The following WDHD1 variants were observed in gnomAD, a reference collection of about 807,000 sequenced individuals.
WDHD1 encodes the protein WD repeat and HMG-box DNA binding protein 1, also known as WD repeat and HMG-box DNA-binding protein 1.
Under a neutral mutation model 135.4 loss-of-function variants are expected in WDHD1, and 111 were observed. The ratio of observed to expected loss-of-function variants is 0.82; its 90% CI spans 0.70 to 0.96. WDHD1 has a LOEUF of 0.96. Among genes scored for constraint, WDHD1 ranks in the 40% least tolerant of loss-of-function variants. The pLI is 0.00. For missense variants in WDHD1, 1,351 were observed against 1,336.3 expected, an observed-to-expected ratio of 1.01 and a Z score of -0.17; for synonymous variants, 434 against 439.0, an observed-to-expected ratio of 0.99 and a Z score of 0.14.
At chr14:54,956,469 C>G (rs2041160609) in intron 23 of WDHD1, among the ~76,000 whole-genome samples, 1 of 152,034 alleles carries the variant, frequency 6.6e-6, no homozygotes, top group South Asian at 2.1e-4. Context: ...GAAACCCCAT[C>G]TCTACTAAAA....
intron 14 of WDHD1, 44 bp from the exon 15 acceptor site, chr14:54,984,904 C>G (rs2041673425): frequency 2.5e-6 from 4 of 1,597,800 alleles, no homozygotes; most frequent in African/African-American, 1.4e-5. Flanking sequence ...AAAGGTTATC[C>G]AACTATAACG....
chr14:54,959,324 G>T (rs900704851), intron 21 of WDHD1, among the ~76,000 whole-genome samples: 9 of 143,632 alleles, frequency 6.3e-5, no homozygotes, highest in Non-Finnish European at 1.4e-4. Context: ...CTTGGGTCTG[G>T]GGGGTTGAGG....
At chr14:55,005,180 G>T in intron 7 of WDHD1, 1 of 540,312 alleles carries the variant, frequency 1.9e-6, no homozygotes, top group Admixed American at 1.9e-5. Flanking sequence ...CAATCCCACT[G>T]AGTGAGCTCC....
intron 16 of WDHD1, among the ~76,000 whole-genome samples, chr14:54,969,208 T>C (rs2041391988): frequency 6.6e-6 from 1 of 151,830 alleles, no homozygotes; most frequent in Non-Finnish European, 1.5e-5. Flanking sequence ...CCAGCTAATG[T>C]TTTGTATTTT....
At position 54,940,879 on chromosome 14, in the gene WDHD1, T is replaced by C. The variant is rs1257201360; in HGVS notation, c.*611A>G. The C allele has an allele frequency of 2.0e-5, 3 of 152,102 alleles. No homozygotes were observed. Among genetic ancestry groups the C allele is most frequent in the Non-Finnish European group, 4.4e-5 (3 of 68,016 alleles). The allele number at this position is 152,102 out of a possible 1,614,324, so 9.4% of individuals were successfully genotyped here. ...GTGGAAAGATAATATTAAGACCATA[T>C]CAAGCCAAATATACAAATGAGAAAG... On this transcript the variant is annotated 3_prime_UTR_variant, in exon 26 of 26. Coordinates refer to ENST00000360586, the MANE Select transcript of WDHD1 (RefSeq NM_007086.4).
rs146417050 is a variant in WDHD1 at position 54,958,946 on chromosome 14, C to T, written c.2702-1311G>A. Among the ~76,000 whole-genome samples the T allele has an allele frequency of 1.3e-3, 199 of 152,324 alleles. 1 individual carries two copies. The highest frequency in any genetic ancestry group is 3.4e-3 in the Middle Eastern group (1 of 294). On this transcript the variant is annotated intron_variant, in intron 21 of 25. Transcript: ENST00000360586. Reference sequence around the variant, plus strand: ...CTCCTGATTCAAATATCTGTCTTCACGACATTCTACTCACCTTACAGTAAT... The same window carrying T: ...CTCCTGATTCAAATATCTGTCTTCATGACATTCTACTCACCTTACAGTAAT...
At chr14:55,018,019 G>A (rs1382030740) in intron 2 of WDHD1, among the ~76,000 whole-genome samples, 2 of 151,786 alleles carry the variant, frequency 1.3e-5, no homozygotes, top group African/African-American at 2.4e-5. Context: ...CGCACAAACC[G>A]ATGTTAATTA....
At position 54,987,181 on chromosome 14, in the gene WDHD1, C is replaced by T. The variant is rs1240346808; in HGVS notation, c.1733G>A (p.Gly578Glu). The change falls in exon 14 of 26, where the codon GGA (glycine) becomes GAA (glutamate). Residue 578 changes from glycine (G) to glutamate (E), a missense_variant. Gly to Glu is a moderately conservative substitution (Grantham distance 98, BLOSUM62 -2). This residue lies in a region of WDHD1 where 1,330 missense variants were observed against 1,296.1 expected (regional missense o/e 1.03). Transcript: ENST00000360586. ...AACAATGAAAAGCTGTTCTCCATGT[C>T]CTGCCATTGACACCACAGGTCCAGC... ...SLAGPVVSMAGHGEQLFIVYH... is the reference protein window; with the variant it reads ...SLAGPVVSMAEHGEQLFIVYH... 1.2e-6 allele frequency: 2 copies of T among 1,613,998 alleles called. No individual in the cohort carries two copies. The highest frequency in any genetic ancestry group is 2.7e-5 in the African/African-American group (2 of 74,900).
intron 7 of WDHD1, among the ~76,000 whole-genome samples, chr14:55,003,486 G>GC (rs1345638527): frequency 3.3e-5 from 5 of 151,686 alleles, no homozygotes; most frequent in Admixed American, 6.6e-5. Flanking sequence ...CTGCACTCCA[G>GC]CCTGGGCAAC....
chr14:55,016,907 G>A lies in WDHD1; in HGVS notation c.78-3311C>T, dbSNP rs75975302. On this transcript the variant is annotated intron_variant, in intron 2 of 25. Coordinates refer to ENST00000360586, the MANE Select transcript of WDHD1 (RefSeq NM_007086.4). ...TCAAAAGAACTTTCAGATGAGATCAGGTGCGTTCAGGGTGGTATGGCCATA... is the reference window on the plus strand; with the variant it reads ...TCAAAAGAACTTTCAGATGAGATCAAGTGCGTTCAGGGTGGTATGGCCATA... Among the ~76,000 whole-genome samples the A allele has an allele frequency of 2.6e-5, 4 of 152,284 alleles. No homozygotes were observed. The East Asian group carries it at 7.7e-4, about 29-fold the overall frequency.
At chr14:54,974,757 G>A (rs1237778213) in intron 16 of WDHD1, among the ~76,000 whole-genome samples, 2 of 152,164 alleles carry the variant, frequency 1.3e-5, no homozygotes, top group Non-Finnish European at 2.9e-5. Context: ...AACCCGGAAG[G>A]AGGAGGTTGC....
At chr14:54,969,902 A>C (rs1268580606) in intron 16 of WDHD1, among the ~76,000 whole-genome samples, 3 of 152,242 alleles carry the variant, frequency 2.0e-5, no homozygotes, top group Non-Finnish European at 4.4e-5. Context: ...AACATATGCA[A>C]ATCAATATAT....
chr14:54,982,793 T>C (rs1309804630), intron 15 of WDHD1, among the ~76,000 whole-genome samples: 2 of 152,174 alleles, frequency 1.3e-5, no homozygotes, highest in Non-Finnish European at 2.9e-5. Flanking sequence ...TTTCCAGCAA[T>C]GTAAATGAAG....
intron 15 of WDHD1, among the ~76,000 whole-genome samples, chr14:54,983,228 A>G (rs1023106601): frequency 6.8e-4 from 103 of 152,062 alleles, no homozygotes; most frequent in Non-Finnish European, 1.5e-4. Flanking sequence ...CTTTCAAATC[A>G]TCTGTCATAA....
chr14:55,007,284 C>T lies in WDHD1; in HGVS notation c.596G>A (p.Gly199Glu). The change falls in exon 7 of 26, where the codon GGG becomes GAG. Residue 199 changes from glycine (G) to glutamate (E), a missense_variant. Physicochemically the swap from Gly to Glu is moderately conservative, Grantham distance 98. Around this residue, in one of 2 missense-constraint regions of WDHD1, gnomAD observed 1,330 missense variants for 1,296.1 expected, o/e 1.03. Coordinates refer to ENST00000360586, the MANE Select transcript of WDHD1 (RefSeq NM_007086.4). ...ICRLAWQPKS[G>E]KLLAIPVEKS... ...AGAAAAATAAGAATCACTTACCTTCCCACTTTTTGGCTGCCAAGCAAGTCT... is the reference window on the plus strand; with the variant it reads ...AGAAAAATAAGAATCACTTACCTTCTCACTTTTTGGCTGCCAAGCAAGTCT... 4 of 1,584,792 alleles carry T rather than the reference C, an allele frequency of 2.5e-6. No individual in the cohort carries two copies. In the South Asian group the frequency reaches 4.8e-5, roughly 19 times the overall value.
intron 2 of WDHD1, among the ~76,000 whole-genome samples, chr14:55,015,379 CAAAAAAAA>C (rs60609405): frequency 3.7e-5 from 2 of 54,440 alleles, no homozygotes; most frequent in South Asian, 1.1e-3. Flanking sequence ...GACACTGTCT[CAAAAAAAA>C]AAAAAAAAAA....
At chr14:55,009,177 C>G (rs2042123136) in intron 4 of WDHD1, among the ~76,000 whole-genome samples, 1 of 152,186 alleles carries the variant, frequency 6.6e-6, no homozygotes, top group Non-Finnish European at 1.5e-5. Flanking sequence ...TAGTTTTGCT[C>G]TATAAATATG....
chr14:54,987,069 A>G, intron 14 of WDHD1, 77 bp downstream of exon 14: 3 of 1,544,144 alleles, frequency 1.9e-6, no homozygotes, highest in Non-Finnish European at 2.6e-6. Flanking sequence ...CCAAGACAAA[A>G]AGAGTAACAA....
chr14:54,966,641 A>G (rs1293297480), intron 17 of WDHD1, 35 bp from the exon 18 acceptor site: 1 of 1,579,764 alleles, frequency 6.3e-7, no homozygotes, highest in Non-Finnish European at 8.6e-7. Context: ...AAGGCCAACT[A>G]TCACCTTAAT....
Sources: allele counts gnomAD v4.1 joint callset (sites outside exome capture counted in the v4.1 genomes callset), GRCh38; gene constraint gnomAD v4.1.1; regional missense constraint gnomAD v4.1.1; transcripts MANE v1.5; gene names NCBI Gene and HGNC (gene_info 2026-07-23, HGNC 2026-07-21).